ASIC2: variants seen among roughly 807,000 people sequenced by gnomAD.
ASIC2 encodes acid sensing ion channel subunit 2.
A neutral mutation model predicts 57.3 loss-of-function variants in ASIC2; 25 were observed. The ratio of observed to expected loss-of-function variants is 0.44; its 90% CI spans 0.32 to 0.61. ASIC2 has a LOEUF of 0.61. Ranked by LOEUF, ASIC2 falls within the 20% of genes least tolerant of loss-of-function variation. ASIC2 has a pLI of 0.06. For synonymous variants in ASIC2, 319 were observed against 307.5 expected, an observed-to-expected ratio of 1.04 and a Z score of -0.39; for missense variants, 641 against 738.1, an observed-to-expected ratio of 0.87 and a Z score of 1.52.
chr17:33,849,412 A>C (rs1913703056), intron 1 of ASIC2, among the ~76,000 whole-genome samples: 2 of 152,174 alleles, frequency 1.3e-5, no homozygotes, highest in Non-Finnish European at 2.9e-5. Flanking sequence ...GTGGAGACTG[A>C]GGAATGAGGG....
chr17:34,095,680 GATAT>G (rs1227298001), intron 1 of ASIC2, among the ~76,000 whole-genome samples: 2,340 of 124,458 alleles, frequency 0.019, 82 homozygotes, highest in African/African-American at 0.062. Flanking sequence ...TAGAGAGAGA[GATAT>G]ATATAATTTT....
chr17:33,322,857 G>C (rs1906923239), intron 1 of ASIC2, among the ~76,000 whole-genome samples: 1 of 152,196 alleles, frequency 6.6e-6, no homozygotes, highest in Non-Finnish European at 1.5e-5. Context: ...CATCATGAAA[G>C]ATGAGCAAAG....
At chr17:33,242,098 C>T (rs1360300262) in intron 1 of ASIC2, among the ~76,000 whole-genome samples, 2 of 152,122 alleles carry the variant, frequency 1.3e-5, no homozygotes, top group Non-Finnish European at 2.9e-5. Flanking sequence ...GCAGGCAGAT[C>T]ACGAGGTCGG....
chr17:33,022,530 G>C (rs1056105654), intron 6 of ASIC2, among the ~76,000 whole-genome samples: 3 of 152,104 alleles, frequency 2.0e-5, no homozygotes, highest in African/African-American at 7.2e-5. Context: ...GCACCCACTC[G>C]GCTCAGCCTA....
intron 1 of ASIC2, among the ~76,000 whole-genome samples, chr17:33,586,415 T>A (rs1904634430): frequency 6.6e-6 from 1 of 152,200 alleles, no homozygotes; most frequent in African/African-American, 2.4e-5. Flanking sequence ...CTTGCCTCCC[T>A]ACAACCCACT....
At chr17:33,332,290 A>G (rs1266853183) in intron 1 of ASIC2, among the ~76,000 whole-genome samples, 1 of 152,244 alleles carries the variant, frequency 6.6e-6, no homozygotes, top group Admixed American at 6.5e-5. Flanking sequence ...TAGTAACCCT[A>G]TTTTTAAAAA....
intron 1 of ASIC2, among the ~76,000 whole-genome samples, chr17:33,190,837 A>G (rs1259964135): frequency 6.6e-6 from 1 of 152,196 alleles, no homozygotes; most frequent in Admixed American, 6.5e-5. Flanking sequence ...AGGGTCAGGG[A>G]AGATGCAGAG....
chr17:33,939,544 G>A (rs904710706), intron 1 of ASIC2, among the ~76,000 whole-genome samples: 5 of 152,196 alleles, frequency 3.3e-5, no homozygotes, highest in South Asian at 2.1e-4. Flanking sequence ...CAAACAGAGC[G>A]TGAATGAATC....
chr17:33,542,194 C>T (rs376609613), intron 1 of ASIC2, among the ~76,000 whole-genome samples: 25 of 152,004 alleles, frequency 1.6e-4, no homozygotes, highest in East Asian at 5.8e-4. Context: ...TGAATAATGC[C>T]GCAATAAACA....
intron 1 of ASIC2, among the ~76,000 whole-genome samples, chr17:34,099,676 G>GAAAGA (rs1192863023): frequency 7.0e-6 from 1 of 142,724 alleles, no homozygotes; most frequent in East Asian, 2.0e-4. Flanking sequence ...AAGAAAGAAA[G>GAAAGA]AAAGAAAAGA....
At chr17:33,995,361 GA>G (rs1254650041) in intron 1 of ASIC2, among the ~76,000 whole-genome samples, 1 of 152,104 alleles carries the variant, frequency 6.6e-6, no homozygotes, top group Non-Finnish European at 1.5e-5. Flanking sequence ...GAACCTGGCA[GA>G]AGGAGAGTCT....
chr17:34,014,662 T>C (rs1441828652), intron 1 of ASIC2, among the ~76,000 whole-genome samples: 2 of 152,168 alleles, frequency 1.3e-5, no homozygotes, highest in Admixed American at 6.5e-5. Context: ...TAGAACACCC[T>C]AGCTGCCAAT....
chr17:33,687,509 C>T (rs530121044), intron 1 of ASIC2, among the ~76,000 whole-genome samples: 6 of 152,282 alleles, frequency 3.9e-5, no homozygotes, highest in Admixed American at 6.5e-5. Flanking sequence ...TCTTTCCCTG[C>T]CACAATGGTT....
chr17:33,636,271 G>A (rs1906360577), intron 1 of ASIC2, among the ~76,000 whole-genome samples: 1 of 152,150 alleles, frequency 6.6e-6, no homozygotes, highest in African/African-American at 2.4e-5. Context: ...ATTTCTGAAT[G>A]TTATAATATT....
At chr17:33,483,458 G>A (rs1446549180) in intron 1 of ASIC2, among the ~76,000 whole-genome samples, 1 of 152,240 alleles carries the variant, frequency 6.6e-6, no homozygotes, top group East Asian at 1.9e-4. Flanking sequence ...AGGGAAGGAG[G>A]AAGAACTGCC....
At position 33,685,588 on chromosome 17, in the gene ASIC2, A is replaced by C. The variant is rs62055775; in HGVS notation, c.555+470390T>G. Among the ~76,000 whole-genome samples, 25 of 152,360 alleles carry C rather than the reference A, an allele frequency of 1.6e-4. No individual in the cohort carries two copies. In the South Asian group the frequency reaches 2.3e-3, roughly 14 times the overall value. ...CCAAAGTACTTGCTGTCTCCTGGAA[A>C]ACAAGGAATGGGCCTAGCCAACCTG... On this transcript the variant is annotated intron_variant, in intron 1 of 9. Coordinates refer to the ASIC2 transcript ENST00000359872.
At chr17:33,735,277 C>A (rs191443053) in intron 1 of ASIC2, among the ~76,000 whole-genome samples, 3 of 152,160 alleles carry the variant, frequency 2.0e-5, no homozygotes, top group Non-Finnish European at 4.4e-5. Context: ...TGCTCTAGTC[C>A]TTGTGTGGGA....
intron 1 of ASIC2, among the ~76,000 whole-genome samples, chr17:33,681,285 T>C (rs1451221548): frequency 6.6e-6 from 1 of 152,232 alleles, no homozygotes; most frequent in East Asian, 1.9e-4. Context: ...ACATGTACAT[T>C]GGCGGCTGGA....
In ASIC2 at chr17:33,818,097, C is replaced by T. The variant is rs117538359; in HGVS notation, c.555+337881G>A. 4.1e-3 allele frequency among the ~76,000 whole-genome samples: 619 copies of T among 152,202 alleles called. 2 individuals carry two copies. The highest frequency in any genetic ancestry group is 0.014 in the Middle Eastern group (4 of 294). On this transcript the variant is annotated intron_variant, in intron 1 of 9. Coordinates refer to the ASIC2 transcript ENST00000359872. Reference sequence around the variant, plus strand: ...CTTTCCACTTCATTCTCTTCATCAGCGCAGCCATAAAGATCCTCCTGGAGT... The same window carrying T: ...CTTTCCACTTCATTCTCTTCATCAGTGCAGCCATAAAGATCCTCCTGGAGT...
Sources: gnomAD v4.1 joint callset for allele counts (sites outside exome capture counted in the v4.1 genomes callset) on GRCh38, gnomAD v4.1.1 for gene constraint, MANE v1.5 for transcripts, NCBI Gene and HGNC (gene_info 2026-07-23, HGNC 2026-07-21) for gene names.